THEMIS: variants seen among roughly 807,000 people sequenced by gnomAD.
THEMIS encodes the protein thymocyte selection associated, also known as protein THEMIS.
A neutral mutation model predicts 52.6 loss-of-function variants in THEMIS; 37 were observed. That is an observed-to-expected ratio of 0.70 (90% confidence interval 0.54 to 0.93). THEMIS has a LOEUF of 0.93. THEMIS is among the 40% of genes least tolerant of loss of function. THEMIS has a pLI of 0.00. For synonymous variants in THEMIS, 292 were observed against 272.7 expected, an observed-to-expected ratio of 1.07 and a Z score of -0.70; for missense variants, 808 against 763.1, an observed-to-expected ratio of 1.06 and a Z score of -0.69.
chr6:127,812,096 C>T (rs1393648997), intron 4 of THEMIS, among the ~76,000 whole-genome samples: 1 of 152,160 alleles, frequency 6.6e-6, no homozygotes, highest in East Asian at 1.9e-4. Context: ...GACCAGAATG[C>T]ACTCCTTCCA....
intron 4 of THEMIS, among the ~76,000 whole-genome samples, chr6:127,790,943 T>G (rs1407843526): frequency 6.6e-6 from 1 of 152,198 alleles, no homozygotes; most frequent in Non-Finnish European, 1.5e-5. Context: ...AACTTGGAGA[T>G]GCCAGGAACC....
intron 1 of THEMIS, among the ~76,000 whole-genome samples, chr6:127,867,786 A>C (rs1446567612): frequency 2.0e-5 from 3 of 152,162 alleles, no homozygotes; most frequent in Admixed American, 1.3e-4. Flanking sequence ...TATGCCTGTA[A>C]ATTTTACATT....
intron 2 of THEMIS, among the ~76,000 whole-genome samples, chr6:127,843,660 T>C (rs1311157654): frequency 6.6e-6 from 1 of 151,912 alleles, no homozygotes; most frequent in East Asian, 1.9e-4. Flanking sequence ...TCCCTCCTGG[T>C]AGTCACACCC....
chr6:127,698,297 C>T, the THEMIS span, among the ~76,000 whole-genome samples: 1 of 151,982 alleles, frequency 6.6e-6, no homozygotes, highest in African/African-American at 2.4e-5. Flanking sequence ...AAATAGAGTA[C>T]ACCACCTGAC....
At chr6:127,798,086 G>A (rs1306128339) in intron 4 of THEMIS, among the ~76,000 whole-genome samples, 2 of 152,206 alleles carry the variant, frequency 1.3e-5, no homozygotes, top group African/African-American at 4.8e-5. Flanking sequence ...ACAGAATCAT[G>A]CACGTATGTG....
intron 4 of THEMIS, among the ~76,000 whole-genome samples, chr6:127,753,525 T>G (rs761275066): frequency 6.1e-4 from 92 of 151,684 alleles, no homozygotes; most frequent in Non-Finnish European, 1.0e-3. Flanking sequence ...AAAAATAAAT[T>G]AAAAGATATC....
intron 4 of THEMIS, among the ~76,000 whole-genome samples, chr6:127,729,851 GGAAA>G (rs1260318361): frequency 1.3e-5 from 2 of 152,084 alleles, no homozygotes; most frequent in Non-Finnish European, 2.9e-5. Context: ...GATCCAAACA[GGAAA>G]AGTATATTGT....
At position 127,819,243 on chromosome 6, in the gene THEMIS, G is replaced by A. The variant is rs538791701; in HGVS notation, c.710-5312C>T. ...TGAGGAAAGAATCAATGAGCTTGAA[G>A]ATATGTCAATTAAAAACTTACCAAA... On this transcript the variant is annotated intron_variant, in intron 3 of 5. Transcript: ENST00000368248. 2.0e-5 allele frequency among the ~76,000 whole-genome samples: 3 copies of A among 148,642 alleles called. No individual in the cohort carries two copies. In the Admixed American group the frequency reaches 2.0e-4, roughly 10 times the overall value.
At chr6:127,718,821 T>A (rs661254) in intron 5 of THEMIS, among the ~76,000 whole-genome samples, 27 of 151,568 alleles carry the variant, frequency 1.8e-4, no homozygotes, top group African/African-American at 6.1e-4. Flanking sequence ...ATGGGACTTT[T>A]TTATAGGAGT....
At chr6:127,855,221 A>T (rs530510693) in intron 1 of THEMIS, 33 bp from the exon 2 acceptor site, 2 of 1,541,342 alleles carry the variant, frequency 1.3e-6, no homozygotes, top group East Asian at 4.6e-5. Flanking sequence ...ACAGCTTTTT[A>T]AAAAGAAAAC....
downstream of THEMIS, among the ~76,000 whole-genome samples, chr6:127,703,760 C>T (rs1773761645): frequency 6.6e-6 from 1 of 152,146 alleles, no homozygotes; most frequent in Admixed American, 6.5e-5. Flanking sequence ...TTCTGGTGAG[C>T]TAAGGAAGCT....
At chr6:127,802,436 A>C (rs578211060) in intron 4 of THEMIS, among the ~76,000 whole-genome samples, 20 of 152,330 alleles carry the variant, frequency 1.3e-4, no homozygotes. Context: ...GCAGCACTGA[A>C]CATCAAAGCA....
At chr6:127,887,874 A>T (rs1157590495) in intron 1 of THEMIS, among the ~76,000 whole-genome samples, 1 of 152,166 alleles carries the variant, frequency 6.6e-6, no homozygotes, top group Non-Finnish European at 1.5e-5. Flanking sequence ...CTGTAAGAAA[A>T]ATCTAATAAG....
intron 4 of THEMIS, among the ~76,000 whole-genome samples, chr6:127,803,618 G>T (rs979757321): frequency 6.6e-6 from 1 of 152,060 alleles, no homozygotes; most frequent in African/African-American, 2.4e-5. Flanking sequence ...TCTACTTCCT[G>T]AAACTTATTT....
At chr6:127,758,107 G>A (rs551480807) in intron 4 of THEMIS, among the ~76,000 whole-genome samples, 253 of 150,758 alleles carry the variant, frequency 1.7e-3, no homozygotes, top group Non-Finnish European at 3.2e-3. Flanking sequence ...ATTTGAACTG[G>A]TTAAAAATTA....
At chr6:127,781,196 T>C (rs914048237) in intron 4 of THEMIS, among the ~76,000 whole-genome samples, 3 of 151,930 alleles carry the variant, frequency 2.0e-5, no homozygotes, top group Non-Finnish European at 4.4e-5. Flanking sequence ...TTATTGATAC[T>C]TGTGTATGCT....
chr6:127,812,934 G>C lies in THEMIS; in HGVS notation c.1707C>G (p.Thr569=). The change falls in exon 4 of 6, where the codon ACC becomes ACG. Residue 569 remains threonine, a synonymous_variant. Transcript: ENST00000368248. ...TCCTTTCTTCTGCTAAGGTTAGCAGGGTTAACTTTGTTTCCTCTACTGAGG... is the reference window on the plus strand; with the variant it reads ...TCCTTTCTTCTGCTAAGGTTAGCAGCGTTAACTTTGTTTCCTCTACTGAGG... ...KHPSVEETKL[T]LLTLAEERTV... 6.2e-7 allele frequency: 1 copy of C among 1,613,888 alleles called. No individual in the cohort carries two copies. Among genetic ancestry groups the C allele is most frequent in the Non-Finnish European group, 8.5e-7 (1 of 1,179,914 alleles).
chr6:127,881,441 T>G lies in THEMIS; in HGVS notation c.91+19401A>C, dbSNP rs566047291. Among the ~76,000 whole-genome samples, 18 of 152,098 alleles carry G rather than the reference T, an allele frequency of 1.2e-4. No homozygotes were observed. In the East Asian group the frequency reaches 3.1e-3, roughly 26 times the overall value. ...AAGGAAGTACATACATAATCTATAT[T>G]TATAGGATTATAGGAAAAAACATTT... On this transcript the variant is annotated intron_variant, in intron 1 of 5. Coordinates refer to ENST00000368248, the MANE Select transcript of THEMIS (RefSeq NM_001010923.3).
chr6:127,866,485 G>T (rs1020906666), intron 1 of THEMIS, among the ~76,000 whole-genome samples: 1 of 151,800 alleles, frequency 6.6e-6, no homozygotes, highest in Admixed American at 6.6e-5. Flanking sequence ...TTTGAAGAAT[G>T]ACAAATATTT....
Sources: gnomAD v4.1 joint callset for allele counts (sites outside exome capture counted in the v4.1 genomes callset) on GRCh38, gnomAD v4.1.1 for gene constraint, MANE v1.5 for transcripts, NCBI Gene and HGNC (gene_info 2026-07-23, HGNC 2026-07-21) for gene names.